CPNE5: variants seen among roughly 807,000 people sequenced by gnomAD.
CPNE5 encodes copine 5, also known as copine-5.
A neutral mutation model predicts 81.1 loss-of-function variants in CPNE5; 42 were observed. The ratio of observed to expected loss-of-function variants is 0.52; its 90% CI spans 0.40 to 0.67. CPNE5 has a LOEUF of 0.67. CPNE5 is among the 30% of genes least tolerant of loss of function. The pLI, the probability that CPNE5 is intolerant of heterozygous loss-of-function variation, is 0.00. For synonymous variants in CPNE5, 313 were observed against 321.5 expected (o/e 0.97, Z 0.28); for missense variants, 612 against 815.5 (o/e 0.75, Z 3.04).
rs1562113673 is a variant in CPNE5, at chr6:36,766,465, A to G, written c.738-1089T>C. On this transcript the variant is annotated intron_variant, in intron 10 of 20. Transcript: ENST00000244751. This position sits in a 1 kb window ranked among gnomAD's most constrained non-coding sequence, Gnocchi z 4.2. ...ACACACTGGATTTCTGTAAACCAGC[A>G]CTCCTGTACAATGAGGCAGGCATGG... is the stretch of plus-strand genomic sequence containing the variant. 6.6e-6 allele frequency among the ~76,000 whole-genome samples: 1 copy of G among 151,996 alleles called. No homozygotes were observed. The highest frequency in any genetic ancestry group is 6.6e-5 in the Admixed American group (1 of 15,254).
chr6:36,771,723 C>G (rs1465358421), intron 10 of CPNE5, among the ~76,000 whole-genome samples: 1 of 151,912 alleles, frequency 6.6e-6, no homozygotes, highest in Non-Finnish European at 1.5e-5. Flanking sequence ...AAGGAGGGGA[C>G]AGTGGCCCCA....
At chr6:36,783,568 A>T (rs1768252491) in intron 8 of CPNE5, among the ~76,000 whole-genome samples, 1 of 151,846 alleles carries the variant, frequency 6.6e-6, no homozygotes, top group South Asian at 2.1e-4. Context: ...CTGTGGTGCG[A>T]TCTCCGCTCA....
At chr6:36,822,977 T>C in intron 2 of CPNE5, 81 bp downstream of exon 2, 2 of 1,243,474 alleles carry the variant, frequency 1.6e-6, no homozygotes, top group Non-Finnish European at 2.2e-6. Flanking sequence ...TAGTGCTCAG[T>C]AAGGGCTCAA....
intron 10 of CPNE5, 89 bp downstream of exon 10, chr6:36,774,872 C>CACGT: frequency 1.0e-6 from 1 of 985,868 alleles, no homozygotes; most frequent in Non-Finnish European, 1.6e-6. Flanking sequence ...TGGGACTGAC[C>CACGT]ACGTCAATAT....
intron 14 of CPNE5, among the ~76,000 whole-genome samples, chr6:36,751,302 C>T (rs9986517): frequency 0.29 from 44,477 of 152,054 alleles, 6,663 homozygotes; most frequent in Non-Finnish European, 0.32. Context: ...CTTCATCCCA[C>T]CCCACCCGCT....
chr6:36,826,219 G>A (rs1270488455), intron 1 of CPNE5, among the ~76,000 whole-genome samples: 1 of 152,062 alleles, frequency 6.6e-6, no homozygotes, highest in East Asian at 1.9e-4. Context: ...AGTAGATGGG[G>A]CTTTCCCTGG....
In CPNE5 at chr6:36,746,354, C is replaced by T; in HGVS notation, c.1200+42G>A. 6.4e-7 allele frequency: 1 copy of T among 1,551,952 alleles called. No homozygotes were observed. Among genetic ancestry groups the T allele is most frequent in the Non-Finnish European group, 8.7e-7 (1 of 1,146,478 alleles). ...CCACCCCCAGCTTGTCACCTCACCC[C>T]CAGCCTGATCAGTCCTCTCTCCCAC... On this transcript the variant is annotated intron_variant, in intron 16 of 20. Coordinates refer to ENST00000244751, the MANE Select transcript of CPNE5 (RefSeq NM_020939.2). The surrounding 1 kb of genome is among the most constrained non-coding windows in gnomAD (Gnocchi z 4.5).
chr6:36,798,292 C>T, intron 5 of CPNE5, 51 bp from the exon 6 acceptor site: 2 of 1,566,138 alleles, frequency 1.3e-6, no homozygotes, highest in Non-Finnish European at 8.8e-7. Flanking sequence ...CTGCTCACAG[C>T]TATCCCACCT....
chr6:36,809,660 A>G lies in CPNE5; in HGVS notation c.184-9590T>C, dbSNP rs1459919294. Among the ~76,000 whole-genome samples, 4 of 152,314 alleles carry G rather than the reference A, an allele frequency of 2.6e-5. No individual in the cohort carries two copies. The East Asian group carries it at 7.7e-4, about 29-fold the overall frequency. ...AAATTGACTTAGGACCTGATTTTAG[A>G]GCTGGAAGAAACCAAATCCTCTCAA... On this transcript the variant is annotated intron_variant, in intron 3 of 20. Coordinates refer to ENST00000244751, the MANE Select transcript of CPNE5 (RefSeq NM_020939.2).
At chr6:36,769,760 C>T (rs887105604) in intron 10 of CPNE5, among the ~76,000 whole-genome samples, 1 of 152,188 alleles carries the variant, frequency 6.6e-6, no homozygotes, top group African/African-American at 2.4e-5. Context: ...CATGTGAATA[C>T]CGAGAACGGT....
chr6:36,821,192 A>ATGGAAGGGCCACTAAGCCATGT (rs1561819823), intron 3 of CPNE5, among the ~76,000 whole-genome samples: 1 of 151,270 alleles, frequency 6.6e-6, no homozygotes, highest in Non-Finnish European at 1.5e-5. Flanking sequence ...AGAGCATTCC[A>ATGGAAGGGCCACTAAGCCATGT]GGAAAAAGGA....
Position 36,832,462 on chromosome 6 carries a change from C to T in CPNE5, c.95+6821G>A, listed in dbSNP as rs184431381. On this transcript the variant is annotated intron_variant, in intron 1 of 20. Coordinates refer to ENST00000244751, the MANE Select transcript of CPNE5 (RefSeq NM_020939.2). The stretch of plus-strand genomic sequence containing the variant: ...GACTTTGGAAAGGATTGTACTTTCC[C>T]GGTAAAAAGAACTTTTCAGAGAGAG... Among the ~76,000 whole-genome samples, 21 of 152,258 alleles carry T rather than the reference C, an allele frequency of 1.4e-4. No homozygotes were observed. The East Asian group carries it at 2.3e-3, about 17-fold the overall frequency.
rs112083890 is a variant in CPNE5, at chr6:36,762,612, C to T, written c.855+305G>A. Among the ~76,000 whole-genome samples, 314 of 152,270 alleles carry T rather than the reference C, an allele frequency of 2.1e-3. 2 individuals are homozygous for T. The highest frequency in any genetic ancestry group is 7.2e-3 in the African/African-American group (300 of 41,536). On this transcript the variant is annotated intron_variant, in intron 12 of 20. Coordinates refer to ENST00000244751, the MANE Select transcript of CPNE5 (RefSeq NM_020939.2). ...GCCCAGAACCTTCGTATACTGGCTC[C>T]CATCGTGCTCCTATCTCTCTTGCTT...
chr6:36,776,891 G>A (rs751136353), intron 9 of CPNE5, among the ~76,000 whole-genome samples: 3 of 152,006 alleles, frequency 2.0e-5, no homozygotes, highest in Non-Finnish European at 2.9e-5. Context: ...CTCCTTTCCC[G>A]GCAAACCCTC....
chr6:36,813,125 GAC>G, intron 3 of CPNE5, among the ~76,000 whole-genome samples: 1 of 152,294 alleles, frequency 6.6e-6, no homozygotes, highest in East Asian at 1.9e-4. Context: ...ACCTCCACAA[GAC>G]TGCAAATTAT....
At chr6:36,742,556 G>A in intron 20 of CPNE5, 70 bp from the exon 21 acceptor site, 2 of 1,557,652 alleles carry the variant, frequency 1.3e-6, no homozygotes, top group Non-Finnish European at 1.7e-6. Context: ...CTCCAGGCCT[G>A]GGGTTGCATC....
chr6:36,744,412 G>A, intron 18 of CPNE5, 87 bp from the exon 19 acceptor site: 3 of 1,010,682 alleles, frequency 3.0e-6, no homozygotes, highest in Non-Finnish European at 3.1e-6. Flanking sequence ...AGGACAGGAA[G>A]GGGTGGGCAG....
intron 10 of CPNE5, among the ~76,000 whole-genome samples, chr6:36,770,062 A>G (rs1340488771): frequency 6.6e-6 from 1 of 152,210 alleles, no homozygotes; most frequent in East Asian, 1.9e-4. Flanking sequence ...AGTAGGGCAA[A>G]TTCCAGGAAG....
intron 14 of CPNE5, among the ~76,000 whole-genome samples, chr6:36,748,967 C>A (rs961810072): frequency 6.6e-6 from 1 of 152,194 alleles, no homozygotes; most frequent in Non-Finnish European, 1.5e-5. Context: ...AAAGAGGTCT[C>A]GCTCTGTCAC....
Sources: gnomAD v4.1 joint callset for allele counts (sites outside exome capture counted in the v4.1 genomes callset) on GRCh38, gnomAD v4.1.1 for gene constraint, Gnocchi (gnomAD v3.1) non-coding constraint, MANE v1.5 for transcripts, NCBI Gene and HGNC (gene_info 2026-07-23, HGNC 2026-07-21) for gene names.